Variants in KIAA0319L observed in about 807,000 individuals in gnomAD.
The protein encoded by KIAA0319L is KIAA0319 like, also known as dyslexia-associated protein KIAA0319-like protein.
KIAA0319L carries 55 observed loss-of-function variants against 120.1 expected under a neutral mutation model. The ratio of observed to expected loss-of-function variants is 0.46; its 90% CI spans 0.37 to 0.57. The LOEUF is 0.57. Among genes scored for constraint, KIAA0319L ranks in the 20% least tolerant of loss-of-function variants. The pLI, the probability that KIAA0319L is intolerant of heterozygous loss-of-function variation, is 0.00. For synonymous variants in KIAA0319L, 398 were observed against 471.9 expected, an observed-to-expected ratio of 0.84 and a Z score of 2.03; for missense variants, 1,049 against 1,255.3, an observed-to-expected ratio of 0.84 and a Z score of 2.48.
intron 3 of KIAA0319L, among the ~76,000 whole-genome samples, chr1:35,488,449 T>G (rs114295817): frequency 0.021 from 3,193 of 152,268 alleles, 105 homozygotes; most frequent in African/African-American, 0.072. Flanking sequence ...CGAAATAGAC[T>G]ACAGAAGAGC....
In KIAA0319L at chr1:35,444,394, GAC is replaced by G; in HGVS notation, c.2514-93_2514-92del. ...TACTAAGTACCTTCTGTTTGTGACA[GAC>G]ACTGTGCTAAGTGTTACATGCATTC... On this transcript the variant is annotated intron_variant, in intron 16 of 20. Coordinates refer to ENST00000325722, the MANE Select transcript of KIAA0319L (RefSeq NM_024874.5). The G allele has an allele frequency of 1.5e-5, 19 of 1,273,074 alleles. No individual in the cohort carries two copies. The South Asian group carries it at 3.1e-4, about 21-fold the overall frequency. 78.9% of individuals were successfully genotyped at this position (1,273,074 alleles called of 1,614,324 possible). A position where few individuals can be genotyped will look rare whatever the true frequency, so the allele number is the denominator to read the frequency against.
rs1644154352 is a variant in KIAA0319L at position 35,481,322 on chromosome 1, T to C, written c.667-2110A>G. Among the ~76,000 whole-genome samples the C allele has an allele frequency of 3.9e-5, 6 of 152,352 alleles. No individual in the cohort carries two copies. In the South Asian group the frequency reaches 1.2e-3, roughly 32 times the overall value. On this transcript the variant is annotated intron_variant, in intron 3 of 20. Coordinates refer to ENST00000325722, the MANE Select transcript of KIAA0319L (RefSeq NM_024874.5). ...AGTTACTTAGGAGAATTGCTGGTTA[T>C]ACATAAGTATATGTTTAACTTTGTA...
At chr1:35,499,174 T>A (rs1644913900) in intron 3 of KIAA0319L, among the ~76,000 whole-genome samples, 1 of 152,358 alleles carries the variant, frequency 6.6e-6, no homozygotes, top group South Asian at 2.1e-4. Context: ...TAAGGAGTTG[T>A]TAAGGGACCC....
At position 35,523,452 on chromosome 1, in the gene KIAA0319L, AGAAT is replaced by A. The variant is rs747689655; in HGVS notation, c.143-16321_143-16318del. Among the ~76,000 whole-genome samples, 27 of 152,384 alleles carry A rather than the reference AGAAT, an allele frequency of 1.8e-4. No individual in the cohort carries two copies. The South Asian group carries it at 2.3e-3, about 13-fold the overall frequency. On this transcript the variant is annotated intron_variant, in intron 2 of 20. Transcript: ENST00000325722. Reference sequence around the variant, plus strand: ...ATGTGTATATGAATGAAGTATTGAAAGAATGAATGAACAAAAGAAATGTCAGGAA... The same window carrying A: ...ATGTGTATATGAATGAAGTATTGAAAGAATGAACAAAAGAAATGTCAGGAA...
chr1:35,459,375 G>A (rs371968652), intron 9 of KIAA0319L, among the ~76,000 whole-genome samples: 19 of 152,256 alleles, frequency 1.2e-4, no homozygotes, highest in African/African-American at 4.6e-4. Context: ...GGGAGGCTGA[G>A]GCGGGTGGAT....
rs1640854983 is a variant in KIAA0319L at position 35,437,126 on chromosome 1, T to C, written c.2963-2045A>G. ...GCTGCCCTCACCTGGTCGCACGTTGTTGGTTTTGGTCACCTAGATGCCACT... is the reference window on the plus strand; with the variant it reads ...GCTGCCCTCACCTGGTCGCACGTTGCTGGTTTTGGTCACCTAGATGCCACT... On this transcript the variant is annotated intron_variant, in intron 20 of 20. Transcript: ENST00000325722. This position sits in a 1 kb window ranked among gnomAD's most constrained non-coding sequence, Gnocchi z 4.1. 6.6e-6 allele frequency among the ~76,000 whole-genome samples: 1 copy of C among 152,184 alleles called. No homozygotes were observed. The highest frequency in any genetic ancestry group is 1.5e-5 in the Non-Finnish European group (1 of 68,032).
At chr1:35,535,898 C>G (rs1646556578) in intron 2 of KIAA0319L, among the ~76,000 whole-genome samples, 1 of 152,172 alleles carries the variant, frequency 6.6e-6, no homozygotes, top group African/African-American at 2.4e-5. Flanking sequence ...CAGAAAGATG[C>G]TTAGCACATA....
At chr1:35,504,816 C>T (rs1352001440) in intron 3 of KIAA0319L, among the ~76,000 whole-genome samples, 2 of 152,138 alleles carry the variant, frequency 1.3e-5, no homozygotes, top group African/African-American at 4.8e-5. Context: ...CAGATAAAAA[C>T]CAGTATTTTA....
Position 35,470,866 on chromosome 1 carries a change from C to T in KIAA0319L, c.1110G>A (p.Ser370=), listed in dbSNP as rs1235625087. The T allele has an allele frequency of 3.7e-6, 6 of 1,603,482 alleles. No homozygotes were observed. Among genetic ancestry groups the T allele is most frequent in the African/African-American group, 2.7e-5 (2 of 74,666 alleles). The stretch of plus-strand genomic sequence containing the variant: ...AAGTGAAAGGAGGCAAATTCACCTT[C>T]GATAGTTTGAGGATCTGGGAATGTT... ...EGKHSQILKL[S]KLTPGLYEFK... Residue 370 remains serine (S), a synonymous_variant, in exon 6 of 21, where the codon TCG becomes TCA. Coordinates refer to ENST00000325722, the MANE Select transcript of KIAA0319L (RefSeq NM_024874.5).
intron 2 of KIAA0319L, among the ~76,000 whole-genome samples, chr1:35,551,028 C>A (rs1020570411): frequency 6.6e-6 from 1 of 152,128 alleles, no homozygotes; most frequent in African/African-American, 2.4e-5. Flanking sequence ...CTAAGTGTAT[C>A]CTTCAGATAA....
intron 2 of KIAA0319L, among the ~76,000 whole-genome samples, chr1:35,540,718 G>A (rs1250042788): frequency 6.6e-6 from 1 of 152,162 alleles, no homozygotes; most frequent in African/African-American, 2.4e-5. Context: ...AAATTGTCTA[G>A]TCTCCTACAT....
intron 2 of KIAA0319L, among the ~76,000 whole-genome samples, chr1:35,513,394 A>G (rs1645554646): frequency 1.3e-5 from 2 of 149,448 alleles, no homozygotes; most frequent in Admixed American, 6.8e-5. Flanking sequence ...ACAGGAGAAT[A>G]GTTTGAGCTC....
chr1:35,464,705 G>A (rs1427228344), intron 7 of KIAA0319L, among the ~76,000 whole-genome samples: 1 of 152,190 alleles, frequency 6.6e-6, no homozygotes, highest in African/African-American at 2.4e-5. Flanking sequence ...CATGTGAGAG[G>A]GCTTCATAGC....
intron 2 of KIAA0319L, among the ~76,000 whole-genome samples, chr1:35,542,385 G>C (rs575988404): frequency 6.6e-6 from 1 of 152,102 alleles, no homozygotes; most frequent in Non-Finnish European, 1.5e-5. Flanking sequence ...CACGCCCTTC[G>C]CCACTCTGTC....
At chr1:35,483,034 C>T (rs750466773) in intron 3 of KIAA0319L, among the ~76,000 whole-genome samples, 1 of 152,134 alleles carries the variant, frequency 6.6e-6, no homozygotes, top group East Asian at 1.9e-4. Flanking sequence ...TTATCGGACA[C>T]CTGTATAACC....
At chr1:35,509,128 A>G (rs1422962709) in intron 2 of KIAA0319L, among the ~76,000 whole-genome samples, 2 of 152,136 alleles carry the variant, frequency 1.3e-5, no homozygotes, top group Non-Finnish European at 2.9e-5. Flanking sequence ...AGGCAAGAAG[A>G]AGGCAAGCAT....
chr1:35,534,460 T>C (rs888549076), intron 2 of KIAA0319L, among the ~76,000 whole-genome samples: 4 of 152,214 alleles, frequency 2.6e-5, no homozygotes, highest in African/African-American at 9.6e-5. Context: ...ACCTGAATCT[T>C]GCAGTACTTT....
upstream of KIAA0319L, chr1:35,557,641 A>C (rs1234253566): frequency 1.8e-5 from 8 of 456,208 alleles, no homozygotes; most frequent in Non-Finnish European, 3.1e-5. Flanking sequence ...CAGCCCCCAG[A>C]CTCGGGCAAT....
At chr1:35,525,568 T>G (rs890912990) in intron 2 of KIAA0319L, among the ~76,000 whole-genome samples, 23 of 152,328 alleles carry the variant, frequency 1.5e-4, no homozygotes, top group African/African-American at 5.3e-4. Context: ...GATATCTCAT[T>G]GTGGTTTTGA....
Sources: allele counts gnomAD v4.1 joint callset (sites outside exome capture counted in the v4.1 genomes callset), GRCh38; gene constraint gnomAD v4.1.1; non-coding constraint Gnocchi (gnomAD v3.1); transcripts MANE v1.5; gene names NCBI Gene and HGNC (gene_info 2026-07-23, HGNC 2026-07-21).